LRRC4C: variants seen among roughly 807,000 people sequenced by gnomAD.
The protein encoded by LRRC4C is leucine rich repeat containing 4C, also known as leucine-rich repeat-containing protein 4C.
In LRRC4C, 5 loss-of-function variants were observed where a neutral mutation model predicts 33.6. The ratio of observed to expected loss-of-function variants is 0.15; its 90% CI spans 0.08 to 0.31. LRRC4C has a LOEUF of 0.31. Among genes scored for constraint, LRRC4C ranks in the 10% least tolerant of loss-of-function variants. The probability of loss-of-function intolerance (pLI) is 1.00; values close to 1 mark genes in which losing one functional copy is unlikely to be tolerated. For missense variants in LRRC4C, 560 were observed against 796.7 expected (o/e 0.70, Z 3.58); for synonymous variants, 329 against 302.0 (o/e 1.09, Z -0.93).
rs202046660 is a variant in LRRC4C, at chr11:40,114,737, A to G, written c.1556T>C (p.Ile519Thr). 8 of 1,614,168 alleles carry G rather than the reference A, an allele frequency of 5.0e-6. No homozygotes were observed. The highest frequency in any genetic ancestry group is 2.7e-5 in the African/African-American group (2 of 75,038). ...VTDINSGIPGIDEVMKTTKII... is the reference protein window; with the variant it reads ...VTDINSGIPGTDEVMKTTKII... ...TTTGGTAGTCTTCATGACCTCATCA[A>G]TTCCTGGGATCCCACTGTTTATATC... The change falls in exon 7 of 7, where the codon ATT (isoleucine) becomes ACT (threonine). Residue 519 changes from isoleucine (I) to threonine (T), a missense_variant. Ile to Thr is a moderately conservative substitution (Grantham distance 89, BLOSUM62 -1). Transcript: ENST00000528697.
chr11:40,312,028 G>C (rs1945339655), intron 4 of LRRC4C, among the ~76,000 whole-genome samples: 2 of 151,078 alleles, frequency 1.3e-5, no homozygotes, highest in South Asian at 4.2e-4. Flanking sequence ...GCATCTTAAA[G>C]CTATGGATTT....
chr11:41,313,652 A>G (rs899017926), intron 1 of LRRC4C, among the ~76,000 whole-genome samples: 3 of 152,214 alleles, frequency 2.0e-5, no homozygotes, highest in African/African-American at 7.2e-5. Flanking sequence ...ACTCGGACCT[A>G]TTAATATTAC....
At chr11:40,466,879 C>T (rs1164772038) in intron 3 of LRRC4C, among the ~76,000 whole-genome samples, 1 of 151,944 alleles carries the variant, frequency 6.6e-6, no homozygotes, top group Non-Finnish European at 1.5e-5. Context: ...TCAGTTTAAA[C>T]CACAATGTTT....
chr11:40,689,690 G>T (rs1485547395), intron 2 of LRRC4C, among the ~76,000 whole-genome samples: 3 of 152,012 alleles, frequency 2.0e-5, no homozygotes, highest in African/African-American at 2.4e-5. Flanking sequence ...AAACAGCTAA[G>T]GTTAGTTTGA....
intron 1 of LRRC4C, among the ~76,000 whole-genome samples, chr11:40,968,325 T>G (rs530687789): frequency 6.6e-6 from 1 of 152,252 alleles, no homozygotes; most frequent in African/African-American, 2.4e-5. Flanking sequence ...AAAGAAGCTA[T>G]TTCTGTATCA....
At chr11:40,519,639 T>G (rs1485985726) in intron 3 of LRRC4C, among the ~76,000 whole-genome samples, 6 of 152,182 alleles carry the variant, frequency 3.9e-5, no homozygotes, top group African/African-American at 1.4e-4. Context: ...ATATTAGCAA[T>G]AGGCTGTTTT....
At chr11:40,974,572 G>C (rs886860364) in intron 1 of LRRC4C, among the ~76,000 whole-genome samples, 1 of 152,152 alleles carries the variant, frequency 6.6e-6, no homozygotes, top group Non-Finnish European at 1.5e-5. Context: ...TAAAGTTCAA[G>C]CTTGTCAATA....
intron 1 of LRRC4C, among the ~76,000 whole-genome samples, chr11:41,370,996 GA>G (rs1424220638): frequency 6.6e-6 from 1 of 152,100 alleles, no homozygotes; most frequent in Non-Finnish European, 1.5e-5. Context: ...GACCCTGCTG[GA>G]CCTTTCCTTG....
chr11:41,214,805 G>A (rs916008579), intron 1 of LRRC4C, among the ~76,000 whole-genome samples: 1 of 145,160 alleles, frequency 6.9e-6, no homozygotes, highest in Non-Finnish European at 1.5e-5. Context: ...GTATATATAT[G>A]TGTGTGTGTA....
At chr11:40,340,904 T>C (rs926472172) in intron 3 of LRRC4C, among the ~76,000 whole-genome samples, 1 of 152,182 alleles carries the variant, frequency 6.6e-6, no homozygotes, top group African/African-American at 2.4e-5. Context: ...TTATCTACCA[T>C]GGGTGAAGGT....
intron 1 of LRRC4C, among the ~76,000 whole-genome samples, chr11:41,304,888 G>A (rs1481251353): frequency 5.9e-5 from 5 of 85,068 alleles, no homozygotes; most frequent in East Asian, 4.1e-4. Flanking sequence ...CCCTCCGCCC[G>A]GCCAGCCGCC....
chr11:40,165,949 A>AAAAC (rs764408857), intron 5 of LRRC4C, among the ~76,000 whole-genome samples: 1 of 152,200 alleles, frequency 6.6e-6, no homozygotes, highest in African/African-American at 2.4e-5. Flanking sequence ...CTGTCTCAAA[A>AAAAC]AAACAAACAA....
At chr11:40,476,023 A>G (rs577457521) in intron 3 of LRRC4C, among the ~76,000 whole-genome samples, 1 of 152,290 alleles carries the variant, frequency 6.6e-6, no homozygotes, top group East Asian at 1.9e-4. Context: ...TCTACCCACT[A>G]GGTGCCAGTA....
chr11:40,794,727 G>GA (rs1226022052), intron 2 of LRRC4C, among the ~76,000 whole-genome samples: 1 of 152,162 alleles, frequency 6.6e-6, no homozygotes, highest in African/African-American at 2.4e-5. Flanking sequence ...AACCAGTTGA[G>GA]TGCTATAAGA....
At chr11:40,719,070 A>G (rs1397379896) in intron 2 of LRRC4C, among the ~76,000 whole-genome samples, 1 of 152,214 alleles carries the variant, frequency 6.6e-6, no homozygotes, top group Non-Finnish European at 1.5e-5. Context: ...CAACAAAAGA[A>G]ATCATGAAGT....
chr11:40,611,262 C>A (rs547954863), intron 3 of LRRC4C, among the ~76,000 whole-genome samples: 1 of 151,982 alleles, frequency 6.6e-6, no homozygotes, highest in African/African-American at 2.4e-5. Flanking sequence ...CAAGACTACA[C>A]AATGGGGAAA....
intron 1 of LRRC4C, among the ~76,000 whole-genome samples, chr11:41,238,548 T>G (rs556123934): frequency 5.3e-4 from 81 of 152,254 alleles, no homozygotes; most frequent in African/African-American, 1.9e-3. Context: ...GATTTAAAAA[T>G]TGAGCTGCAA....
Position 40,419,728 on chromosome 11 carries a change from TA to T in LRRC4C, c.-269-100008del, listed in dbSNP as rs1487455072. ...TCACCAATAGAGGGGAATAAATGGT[TA>T]AAAAAATTGATAGGCTCCACCAAAA... On this transcript the variant is annotated intron_variant, in intron 3 of 6. Transcript: ENST00000528697. 2.0e-5 allele frequency among the ~76,000 whole-genome samples: 3 copies of T among 152,168 alleles called. No homozygotes were observed. In the South Asian group the frequency reaches 6.2e-4, roughly 32 times the overall value.
intron 3 of LRRC4C, among the ~76,000 whole-genome samples, chr11:40,453,511 A>G (rs1338502619): frequency 6.6e-6 from 1 of 151,994 alleles, no homozygotes; most frequent in African/African-American, 2.4e-5. Context: ...TACAATCCCA[A>G]TGAATATAAA....
Sources: gnomAD v4.1 joint callset for allele counts (sites outside exome capture counted in the v4.1 genomes callset) on GRCh38, gnomAD v4.1.1 for gene constraint, MANE v1.5 for transcripts, NCBI Gene and HGNC (gene_info 2026-07-23, HGNC 2026-07-21) for gene names.